The following RIMS2 variants were observed in gnomAD, a reference collection of about 807,000 sequenced individuals.
RIMS2 encodes the protein regulating synaptic membrane exocytosis protein 2.
RIMS2 carries 59 observed loss-of-function variants against 174.4 expected under a neutral mutation model. The ratio of observed to expected loss-of-function variants is 0.34; its 90% CI spans 0.27 to 0.42. The LOEUF (loss-of-function observed/expected upper bound fraction) is 0.42, where lower values mean the gene tolerates loss of function less well. Ranked by LOEUF, RIMS2 falls within the 10% of genes least tolerant of loss-of-function variation. The probability of loss-of-function intolerance (pLI) is 1.00; values close to 1 mark genes in which losing one functional copy is unlikely to be tolerated. For missense variants in RIMS2, 1,620 were observed against 1,666.3 expected, an observed-to-expected ratio of 0.97 and a Z score of 0.48; for synonymous variants, 606 against 572.5, an observed-to-expected ratio of 1.06 and a Z score of -0.84.
At chr8:103,701,357 A>G (rs1219195300) in intron 2 of RIMS2, among the ~76,000 whole-genome samples, 1 of 152,154 alleles carries the variant, frequency 6.6e-6, no homozygotes, top group Non-Finnish European at 1.5e-5. Context: ...CAACTGTACA[A>G]TGTGTAATGA....
At chr8:103,703,369 C>T (rs1350559112) in intron 2 of RIMS2, among the ~76,000 whole-genome samples, 2 of 152,098 alleles carry the variant, frequency 1.3e-5, no homozygotes, top group Non-Finnish European at 1.5e-5. Context: ...TTCTGAGTAG[C>T]TGGGATTACA....
chr8:104,190,987 A>G (rs1349718289), intron 19 of RIMS2, among the ~76,000 whole-genome samples: 2 of 151,270 alleles, frequency 1.3e-5, no homozygotes, highest in African/African-American at 4.9e-5. Flanking sequence ...GAAGCAGTAG[A>G]CAGAGGTGAT....
chr8:103,793,761 A>G (rs1317869945), intron 3 of RIMS2, among the ~76,000 whole-genome samples: 1 of 152,200 alleles, frequency 6.6e-6, no homozygotes, highest in Non-Finnish European at 1.5e-5. Context: ...AATGTGCAAA[A>G]ATCACAAGCA....
intron 17 of RIMS2, among the ~76,000 whole-genome samples, chr8:104,010,024 G>A (rs1181423519): frequency 8.3e-6 from 1 of 121,160 alleles, no homozygotes; most frequent in Non-Finnish European, 2.1e-5. Flanking sequence ...ACGGACGGAT[G>A]GACGGACGGA....
At chr8:104,224,801 GA>G (rs2099175379) in intron 19 of RIMS2, among the ~76,000 whole-genome samples, 1 of 152,140 alleles carries the variant, frequency 6.6e-6, no homozygotes, top group Admixed American at 6.5e-5. Flanking sequence ...AGGGGAGGGG[GA>G]AAAGTAGAAG....
At chr8:103,874,500 A>G (rs2099126266) in intron 3 of RIMS2, among the ~76,000 whole-genome samples, 1 of 152,046 alleles carries the variant, frequency 6.6e-6, no homozygotes, top group Non-Finnish European at 1.5e-5. Flanking sequence ...TCAAAAGACT[A>G]AGTAACCCTA....
rs780434564 is a variant in RIMS2 at position 103,501,073 on chromosome 8, G to A, written c.176+11G>A. The A allele has an allele frequency of 6.4e-7, 1 of 1,556,434 alleles. No homozygotes were observed. The highest frequency in any genetic ancestry group is 1.4e-5 in the African/African-American group (1 of 71,886). On this transcript the variant is annotated intron_variant, in intron 1 of 23. Transcript: ENST00000504942. Reference sequence around the variant, plus strand: ...GCAGTCCGTGCTCAAGTAAGGACCTGGCTCCATATTCCCGCCTCTCTCCCT... The same window carrying A: ...GCAGTCCGTGCTCAAGTAAGGACCTAGCTCCATATTCCCGCCTCTCTCCCT...
chr8:103,631,842 AC>A (rs1334544574), intron 1 of RIMS2, among the ~76,000 whole-genome samples: 16 of 152,024 alleles, frequency 1.1e-4, no homozygotes, highest in African/African-American at 3.9e-4. Flanking sequence ...GAGACCTTTT[AC>A]CTTCCTGGTT....
chr8:103,774,551 A>C (rs2098291250), intron 3 of RIMS2, among the ~76,000 whole-genome samples: 1 of 152,180 alleles, frequency 6.6e-6, no homozygotes, highest in Admixed American at 6.5e-5. Context: ...TAAATCTCAA[A>C]ATCATTGTGA....
At chr8:103,818,736 G>C (rs1329196425) in intron 3 of RIMS2, among the ~76,000 whole-genome samples, 2 of 152,062 alleles carry the variant, frequency 1.3e-5, no homozygotes, top group African/African-American at 4.8e-5. Context: ...GAAAGGACCA[G>C]ATTCAACATT....
chr8:104,010,016 G>A (rs191598081), intron 17 of RIMS2, among the ~76,000 whole-genome samples: 2 of 151,108 alleles, frequency 1.3e-5, no homozygotes, highest in Non-Finnish European at 3.0e-5. Flanking sequence ...ATGGATGGAC[G>A]GACGGATGGA....
chr8:104,141,158 T>C lies in RIMS2; in HGVS notation c.3335-103758T>C, dbSNP rs193167648. ...ATACTGAAAAATTATCATTTGATGA[T>C]AGACAAATGATTAGGTACCATGAGC... On this transcript the variant is annotated intron_variant, in intron 19 of 23. Coordinates refer to ENST00000504942, the Ensembl canonical transcript of RIMS2. Among the ~76,000 whole-genome samples the C allele has an allele frequency of 1.5e-3, 224 of 152,274 alleles. 1 individual carries two copies. The highest frequency in any genetic ancestry group is 4.8e-3 in the African/African-American group (199 of 41,556).
intron 19 of RIMS2, among the ~76,000 whole-genome samples, chr8:104,036,843 G>A (rs1326442312): frequency 1.3e-5 from 2 of 152,000 alleles, no homozygotes; most frequent in African/African-American, 4.8e-5. Flanking sequence ...TGCCACTTCA[G>A]TCCAGCCTGG....
chr8:104,190,015 G>A lies in RIMS2; in HGVS notation c.3335-54901G>A, dbSNP rs762748417. ...TCACTACTTAAAGATAAGAGTGACA[G>A]ACACATATTACAGCATGGTGGCTCA... On this transcript the variant is annotated intron_variant, in intron 19 of 23. Transcript: ENST00000504942. Among the ~76,000 whole-genome samples, 12 of 151,922 alleles carry A rather than the reference G, an allele frequency of 7.9e-5. 1 individual carries two copies. Among genetic ancestry groups the A allele is most frequent in the Non-Finnish European group, 1.6e-4 (11 of 67,958 alleles).
chr8:103,870,288 A>T (rs1006517818), intron 3 of RIMS2, among the ~76,000 whole-genome samples: 5 of 152,134 alleles, frequency 3.3e-5, no homozygotes, highest in Admixed American at 1.3e-4. Flanking sequence ...TTGAAAAATG[A>T]ATTAGTGGAT....
At chr8:103,937,439 A>G (rs570562900) in intron 13 of RIMS2, among the ~76,000 whole-genome samples, 3 of 152,342 alleles carry the variant, frequency 2.0e-5, no homozygotes, top group African/African-American at 7.2e-5. Context: ...CAAGCCCTAC[A>G]ATGTAACAGG....
intron 3 of RIMS2, among the ~76,000 whole-genome samples, chr8:103,842,883 G>C (rs1194966409): frequency 1.3e-5 from 2 of 152,202 alleles, no homozygotes; most frequent in Non-Finnish European, 2.9e-5. Flanking sequence ...CGTGTCAGGA[G>C]GTTTGGTTTC....
At chr8:104,011,546 T>A (rs914286501) in intron 17 of RIMS2, among the ~76,000 whole-genome samples, 1 of 152,022 alleles carries the variant, frequency 6.6e-6, no homozygotes, top group Non-Finnish European at 1.5e-5. Context: ...TTAAAATAAT[T>A]CTCTGGTTTT....
intron 1 of RIMS2, among the ~76,000 whole-genome samples, chr8:103,659,019 G>T (rs1180452818): frequency 1.3e-5 from 2 of 152,168 alleles, no homozygotes; most frequent in Non-Finnish European, 2.9e-5. Flanking sequence ...TTGTTTTGAA[G>T]GCTAATGCTG....
Sources: gnomAD v4.1 joint callset for allele counts (sites outside exome capture counted in the v4.1 genomes callset) on GRCh38, gnomAD v4.1.1 for gene constraint, MANE v1.5 for transcripts, NCBI Gene and HGNC (gene_info 2026-07-23, HGNC 2026-07-21) for gene names.